Variants in DENND5A observed in about 807,000 individuals in gnomAD.
The protein encoded by DENND5A is DENN domain-containing protein 5A.
In DENND5A, 64 loss-of-function variants were observed where a neutral mutation model predicts 140.3. The ratio of observed to expected loss-of-function variants is 0.46; its 90% CI spans 0.37 to 0.56. The LOEUF is 0.56. DENND5A is among the 20% of genes least tolerant of loss of function. The pLI is 0.00. For missense variants in DENND5A, 1,292 were observed against 1,593.8 expected, an observed-to-expected ratio of 0.81 and a Z score of 3.22; for synonymous variants, 605 against 607.7, an observed-to-expected ratio of 1.00 and a Z score of 0.07.
At chr11:9,260,712 AT>A (rs1238589681) in intron 1 of DENND5A, among the ~76,000 whole-genome samples, 2 of 152,194 alleles carry the variant, frequency 1.3e-5, no homozygotes, top group East Asian at 3.8e-4. Context: ...AAACAACTAC[AT>A]TACTTGCCTA....
At chr11:9,233,183 G>A (rs1850843358) in intron 1 of DENND5A, among the ~76,000 whole-genome samples, 1 of 152,056 alleles carries the variant, frequency 6.6e-6, no homozygotes, top group Non-Finnish European at 1.5e-5. Flanking sequence ...GGCGGATCAC[G>A]AGGTCAGGAG....
intron 5 of DENND5A, among the ~76,000 whole-genome samples, chr11:9,182,920 A>C (rs898245632): frequency 6.6e-6 from 1 of 152,214 alleles, no homozygotes; most frequent in African/African-American, 2.4e-5. Flanking sequence ...GAATGTTACC[A>C]ATATAAATAA....
At chr11:9,216,072 A>G (rs902832920) in intron 1 of DENND5A, among the ~76,000 whole-genome samples, 4 of 152,234 alleles carry the variant, frequency 2.6e-5, no homozygotes, top group African/African-American at 9.6e-5. Flanking sequence ...ATTTTAATGT[A>G]ATCAGCCTAA....
At chr11:9,232,628 T>C (rs1850820631) in intron 1 of DENND5A, among the ~76,000 whole-genome samples, 1 of 152,150 alleles carries the variant, frequency 6.6e-6, no homozygotes, top group Admixed American at 6.5e-5. Flanking sequence ...AGTGGGAATG[T>C]AAACTGGTAC....
intron 5 of DENND5A, among the ~76,000 whole-genome samples, chr11:9,185,068 G>A (rs1469687722): frequency 6.6e-6 from 1 of 152,080 alleles, no homozygotes; most frequent in African/African-American, 2.4e-5. Flanking sequence ...GCACACACCT[G>A]TAATCCCAGC....
chr11:9,250,118 C>G (rs944624887), intron 1 of DENND5A, among the ~76,000 whole-genome samples: 8 of 150,778 alleles, frequency 5.3e-5, no homozygotes, highest in African/African-American at 2.0e-4. Context: ...TATGGCTAAT[C>G]AGAAGTCACA....
intron 4 of DENND5A, among the ~76,000 whole-genome samples, chr11:9,201,906 T>C (rs1849536609): frequency 6.6e-6 from 1 of 152,198 alleles, no homozygotes; most frequent in African/African-American, 2.4e-5. Flanking sequence ...GGAAAAATTA[T>C]AACTTTCCAG....
chr11:9,218,430 T>C (rs1202766766), intron 1 of DENND5A, among the ~76,000 whole-genome samples: 2 of 152,158 alleles, frequency 1.3e-5, no homozygotes, highest in African/African-American at 4.8e-5. Context: ...GTACAGTGGC[T>C]CATGCTTAGG....
intron 5 of DENND5A, among the ~76,000 whole-genome samples, chr11:9,183,432 T>C (rs1343238600): frequency 1.3e-5 from 2 of 149,784 alleles, no homozygotes; most frequent in Non-Finnish European, 3.0e-5. Flanking sequence ...TTCATACAGG[T>C]TTTTAACTTT....
rs10550560 is a variant in DENND5A, at chr11:9,170,789, TACACACACACAC to T, written c.1907-24_1907-13del. On this transcript the variant is annotated splice_polypyrimidine_tract_variant and intron_variant, in intron 8 of 22. Coordinates refer to ENST00000328194, the MANE Select transcript of DENND5A (RefSeq NM_015213.4). ...CTCAATTGCTTTCTCTGGATGAGAA[TACACACACACAC>T]ACACACACACACACACATAAATACA... The T allele has an allele frequency of 3.9e-5, 62 of 1,582,934 alleles. No homozygotes were observed. Among genetic ancestry groups the T allele is most frequent in the Non-Finnish European group, 4.6e-5 (53 of 1,160,962 alleles).
At chr11:9,183,177 A>C (rs1416135574) in intron 5 of DENND5A, among the ~76,000 whole-genome samples, 1 of 152,188 alleles carries the variant, frequency 6.6e-6, no homozygotes. Flanking sequence ...ATACTCATGA[A>C]TCTGTTCTAG....
At chr11:9,170,802 A>T in intron 8 of DENND5A, 25 bp from the exon 9 acceptor site, 1 of 1,610,438 alleles carries the variant, frequency 6.2e-7, no homozygotes. Context: ...ACACACACAC[A>T]CACACACACA....
intron 13 of DENND5A, among the ~76,000 whole-genome samples, 189 bp from the exon 14 acceptor site, chr11:9,150,953 A>C (rs746615866): frequency 6.6e-6 from 1 of 152,224 alleles, no homozygotes; most frequent in East Asian, 1.9e-4. Flanking sequence ...TATGGATATT[A>C]TCTCATTTAA....
intron 1 of DENND5A, among the ~76,000 whole-genome samples, chr11:9,253,576 G>T (rs1029433401): frequency 6.6e-6 from 1 of 151,726 alleles, no homozygotes; most frequent in African/African-American, 2.4e-5. Flanking sequence ...GCCTGGGCAA[G>T]ATGGTGAGAA....
At chr11:9,234,406 A>G (rs778984998) in intron 1 of DENND5A, among the ~76,000 whole-genome samples, 1 of 152,092 alleles carries the variant, frequency 6.6e-6, no homozygotes, top group South Asian at 2.1e-4. Context: ...TTTTTTTTCA[A>G]TCTACTTGAG....
Position 9,204,260 on chromosome 11 carries a change from A to C in DENND5A, c.349T>G (p.Phe117Val). ...TCCCTTGTGATAATAAAGGCATGGA[A>C]TTGGGGCTCCCTGGGATCAGCCTGG... Reference protein sequence around the residue: ...KTQADPREPQFHAFIITREDG... With the variant: ...KTQADPREPQVHAFIITREDG... Residue 117 changes from phenylalanine (F) to valine (V), a missense_variant, in exon 4 of 23, where the codon TTC (phenylalanine) becomes GTC (valine). Physicochemically the swap from Phe to Val is conservative, Grantham distance 50 (BLOSUM62 -1). Coordinates refer to ENST00000328194, the MANE Select transcript of DENND5A (RefSeq NM_015213.4). 1 of 1,613,978 alleles carries C rather than the reference A, an allele frequency of 6.2e-7. No homozygotes were observed. Among genetic ancestry groups the C allele is most frequent in the East Asian group, 2.2e-5 (1 of 44,878 alleles).
At chr11:9,190,554 A>G (rs1849084912) in intron 5 of DENND5A, among the ~76,000 whole-genome samples, 1 of 152,220 alleles carries the variant, frequency 6.6e-6, no homozygotes, top group Non-Finnish European at 1.5e-5. Flanking sequence ...GCCTTCCACC[A>G]TGATTGTGAG....
intron 1 of DENND5A, among the ~76,000 whole-genome samples, chr11:9,231,311 G>A (rs1036580839): frequency 1.3e-5 from 2 of 152,162 alleles, no homozygotes; most frequent in African/African-American, 2.4e-5. Flanking sequence ...AGCAGCAAAC[G>A]TGGCTATACT....
At chr11:9,166,805 C>G (rs1033825118) in intron 10 of DENND5A, among the ~76,000 whole-genome samples, 3 of 151,836 alleles carry the variant, frequency 2.0e-5, no homozygotes, top group Admixed American at 6.6e-5. Context: ...GCACTCTAGC[C>G]TGGGCGACAG....
Sources: allele counts gnomAD v4.1 joint callset (sites outside exome capture counted in the v4.1 genomes callset), GRCh38; gene constraint gnomAD v4.1.1; transcripts MANE v1.5; gene names NCBI Gene and HGNC (gene_info 2026-07-23, HGNC 2026-07-21).